MPRIP: variants seen among roughly 807,000 people sequenced by gnomAD.
MPRIP encodes myosin phosphatase Rho interacting protein.
Under a neutral mutation model 234.9 loss-of-function variants are expected in MPRIP, and 59 were observed. The ratio of observed to expected loss-of-function variants is 0.25; its 90% CI spans 0.20 to 0.31. The LOEUF is 0.31. MPRIP is among the 10% of genes least tolerant of loss of function. The pLI is 1.00. For synonymous variants in MPRIP, 1,144 were observed against 1,263.9 expected (o/e 0.91, Z 2.01); for missense variants, 2,436 against 3,071.0 (o/e 0.79, Z 4.89).
At chr17:17,156,783 A>G (rs1034306998) in intron 13 of MPRIP, among the ~76,000 whole-genome samples, 1 of 152,192 alleles carries the variant, frequency 6.6e-6, no homozygotes, top group African/African-American at 2.4e-5. Context: ...ACGTCACAAG[A>G]TCTGCCCTGT....
intron 13 of MPRIP, among the ~76,000 whole-genome samples, chr17:17,154,724 T>C (rs1468157973): frequency 6.6e-6 from 1 of 152,272 alleles, no homozygotes; most frequent in Non-Finnish European, 1.5e-5. Context: ...CAGACCAGCC[T>C]GAGCCCCGCA....
At position 17,142,645 on chromosome 17, in the gene MPRIP, A is replaced by T; in HGVS notation, c.1269A>T (p.Glu423Asp). 1 of 1,611,832 alleles carries T rather than the reference A, an allele frequency of 6.2e-7. No individual in the cohort carries two copies. The highest frequency in any genetic ancestry group is 8.5e-7 in the Non-Finnish European group (1 of 1,179,942). ...CTTGCAGGAGGTCCCAGGTGATTGA[A>T]AAGTTTGAGGCCTTGGACATTGAGA... ...GNERRRSQVI[E>D]KFEALDIEKA... The change falls in exon 8 of 24, where the codon GAA becomes GAT. Residue 423 changes from glutamate (E) to aspartate (D), a missense_variant. Transcript: ENST00000651222.
intron 1 of MPRIP, among the ~76,000 whole-genome samples, chr17:17,059,186 A>C (rs1210412541): frequency 6.6e-6 from 1 of 152,232 alleles, no homozygotes; most frequent in East Asian, 1.9e-4. Flanking sequence ...TCACATTTTT[A>C]ACTCTTTGCA....
At chr17:17,085,756 C>CA (rs1183490875) in intron 3 of MPRIP, among the ~76,000 whole-genome samples, 2 of 152,108 alleles carry the variant, frequency 1.3e-5, no homozygotes, top group Admixed American at 6.6e-5. Context: ...ACTAAAAATA[C>CA]AAAAAAATTA....
chr17:17,139,621 A>AC (rs1474411511), intron 7 of MPRIP, among the ~76,000 whole-genome samples: 1 of 152,204 alleles, frequency 6.6e-6, no homozygotes, highest in African/African-American at 2.4e-5. Context: ...CTCGAAGGGC[A>AC]GGTGGAGGGA....
chr17:17,165,848 C>T lies in MPRIP; in HGVS notation c.4257C>T (p.His1419=). 3.1e-6 allele frequency: 4 copies of T among 1,304,254 alleles called. No homozygotes were observed. The South Asian group carries it at 3.7e-5, about 12-fold the overall frequency. 80.8% of individuals were successfully genotyped at this position (1,304,254 alleles called of 1,614,324 possible). ...GQSREALLAL[H]HQWAGTEAQL... is the part of the protein sequence containing the mutation. ...GCCGTGAGGCACTGCTCGCACTGCA[C>T]CACCAGTGGGCGGGCACCGAGGCCC... The change falls in exon 16 of 24, where the codon CAC becomes CAT. Residue 1419 remains histidine (H), a synonymous_variant. Coordinates refer to ENST00000651222, the MANE Select transcript of MPRIP (RefSeq NM_001364716.4).
intron 23 of MPRIP, chr17:17,180,797 T>G: frequency 1.0e-6 from 1 of 980,672 alleles, no homozygotes. Context: ...GAGGTTTCTT[T>G]AACCTGCTCT....
intron 3 of MPRIP, among the ~76,000 whole-genome samples, chr17:17,084,463 T>TG (rs1193071515): frequency 6.6e-6 from 1 of 152,224 alleles, no homozygotes. Flanking sequence ...CTTCTCACAA[T>TG]GGTAGATACC....
At chr17:17,049,694 G>A (rs2088471756) in intron 1 of MPRIP, among the ~76,000 whole-genome samples, 1 of 152,198 alleles carries the variant, frequency 6.6e-6, no homozygotes, top group Non-Finnish European at 1.5e-5. Flanking sequence ...CAGGCCAACA[G>A]GCAAAATCGA....
intron 5 of MPRIP, 143 bp downstream of exon 5, chr17:17,131,844 C>T: frequency 1.4e-6 from 1 of 715,004 alleles, no homozygotes; most frequent in South Asian, 1.7e-5. Flanking sequence ...TTGCTTTGGG[C>T]TGCAATCTGC....
chr17:17,151,682 C>T (rs575757788), intron 12 of MPRIP, among the ~76,000 whole-genome samples: 2 of 152,310 alleles, frequency 1.3e-5, no homozygotes, highest in East Asian at 3.9e-4. Flanking sequence ...TAGGTGGGGT[C>T]CCAGGGTACC....
chr17:17,136,907 C>T (rs552122679), intron 6 of MPRIP, among the ~76,000 whole-genome samples: 3 of 152,150 alleles, frequency 2.0e-5, no homozygotes, highest in South Asian at 2.1e-4. Flanking sequence ...CAGTTGGCAT[C>T]CTCGTGCCCT....
At chr17:17,094,958 C>T (rs866314090) in intron 3 of MPRIP, among the ~76,000 whole-genome samples, 1 of 152,020 alleles carries the variant, frequency 6.6e-6, no homozygotes, top group Non-Finnish European at 1.5e-5. Flanking sequence ...TTCTGAAACT[C>T]CTGTTATTTG....
intron 3 of MPRIP, among the ~76,000 whole-genome samples, chr17:17,119,210 C>G (rs575711840): frequency 1.3e-5 from 2 of 152,332 alleles, no homozygotes; most frequent in East Asian, 1.9e-4. Context: ...AGACCTGGCT[C>G]GAGCAGCCAG....
At chr17:17,075,120 A>G (rs1353669169) in intron 1 of MPRIP, among the ~76,000 whole-genome samples, 2 of 152,094 alleles carry the variant, frequency 1.3e-5, no homozygotes, top group East Asian at 3.9e-4. Flanking sequence ...TACTGATTGC[A>G]TTATCTCATC....
chr17:17,121,757 C>G (rs1172085939), intron 3 of MPRIP, among the ~76,000 whole-genome samples: 1 of 152,098 alleles, frequency 6.6e-6, no homozygotes, highest in Non-Finnish European at 1.5e-5. Context: ...ATTTCATCAC[C>G]CAGATATTAA....
intron 1 of MPRIP, among the ~76,000 whole-genome samples, chr17:17,063,101 C>G (rs2088915785): frequency 6.6e-6 from 1 of 152,190 alleles, no homozygotes; most frequent in African/African-American, 2.4e-5. Flanking sequence ...TGGGTGCTGA[C>G]CAGCGTTGTC....
rs139305156 is a variant in MPRIP, at chr17:17,154,391, C to T, written c.1805C>T (p.Pro602Leu). 5.6e-5 allele frequency: 90 copies of T among 1,614,102 alleles called. No homozygotes were observed. In the African/African-American group the frequency reaches 8.1e-4, roughly 15 times the overall value. ...CAGACCATCATGAAGCACGTGCACC[C>T]GACCACTGCCCCGGATGTGACCAGG... ...WIQTIMKHVH[P>L]TTAPDVTSSL... The change falls in exon 13 of 24, where the codon CCG becomes CTG. Residue 602 changes from proline to leucine, a missense_variant. Pro to Leu is a moderately conservative substitution (Grantham distance 98). Coordinates refer to ENST00000651222, the MANE Select transcript of MPRIP (RefSeq NM_001364716.4).
chr17:17,184,599 G>T (rs2046437134), intron 23 of MPRIP, among the ~76,000 whole-genome samples: 1 of 152,194 alleles, frequency 6.6e-6, no homozygotes, highest in South Asian at 2.1e-4. Context: ...TTGTCTCTCT[G>T]ATTTTTTTTT....
Sources: gnomAD v4.1 joint callset for allele counts (sites outside exome capture counted in the v4.1 genomes callset) on GRCh38, gnomAD v4.1.1 for gene constraint, MANE v1.5 for transcripts, NCBI Gene and HGNC (gene_info 2026-07-23, HGNC 2026-07-21) for gene names.